The following ATG7 variants were observed in gnomAD, a reference collection of about 807,000 sequenced individuals.
The protein encoded by ATG7 is autophagy related 7.
A neutral mutation model predicts 82.4 loss-of-function variants in ATG7; 70 were observed. The ratio of observed to expected loss-of-function variants is 0.85; its 90% CI spans 0.70 to 1.04. ATG7 has a LOEUF of 1.04. Among genes scored for constraint, ATG7 ranks in the 50% least tolerant of loss-of-function variants. The pLI, the probability that ATG7 is intolerant of heterozygous loss-of-function variation, is 0.00. For synonymous variants in ATG7, 287 were observed against 313.0 expected (o/e 0.92, Z 0.88); for missense variants, 792 against 864.3 (o/e 0.92, Z 1.05).
At chr3:11,559,400 G>A (rs755052545), downstream of ATG7, 12 of 1,561,994 alleles carry the variant, frequency 7.7e-6, no homozygotes, top group African/African-American at 2.7e-5. Context: ...GGGGCAGTGC[G>A]AGAGGTTGCA....
intron 19 of ATG7, among the ~76,000 whole-genome samples, chr3:11,425,746 T>A (rs867323469): frequency 2.6e-4 from 39 of 152,278 alleles, no homozygotes; most frequent in Admixed American, 5.2e-4. Context: ...AAGTACACCT[T>A]ATGTAACCAA....
intron 7 of ATG7, among the ~76,000 whole-genome samples, chr3:11,311,175 G>A (rs1162116813): frequency 6.6e-6 from 1 of 152,078 alleles, no homozygotes; most frequent in African/African-American, 2.4e-5. Context: ...AAAATTGTAA[G>A]TATCTACTTT....
At chr3:11,336,885 C>A (rs1239077480) in intron 11 of ATG7, among the ~76,000 whole-genome samples, 2 of 151,056 alleles carry the variant, frequency 1.3e-5, no homozygotes, top group Admixed American at 6.6e-5. Context: ...GTTGCCCAGG[C>A]TGGTCTTGAA....
chr3:11,435,172 G>A (rs2083260953), intron 20 of ATG7, among the ~76,000 whole-genome samples: 1 of 151,826 alleles, frequency 6.6e-6, no homozygotes, highest in Non-Finnish European at 1.5e-5. Flanking sequence ...AATATTCTTT[G>A]GTATCTATTA....
intron 20 of ATG7, among the ~76,000 whole-genome samples, chr3:11,545,781 C>G (rs1163122901): frequency 6.6e-6 from 1 of 152,186 alleles, no homozygotes; most frequent in Non-Finnish European, 1.5e-5. Context: ...TTTTTCTCCT[C>G]TAGTCCCTGT....
intron 20 of ATG7, among the ~76,000 whole-genome samples, chr3:11,522,803 A>G (rs139797576): frequency 2.1e-3 from 320 of 152,312 alleles, no homozygotes; most frequent in African/African-American, 7.1e-3. Context: ...AGCTTGTGGT[A>G]CAGACTGTGA....
chr3:11,461,553 C>G (rs1171872522), intron 20 of ATG7, among the ~76,000 whole-genome samples: 22 of 152,116 alleles, frequency 1.4e-4, no homozygotes, highest in Non-Finnish European at 1.5e-5. Flanking sequence ...GTGAATTGAA[C>G]AGACTCAAAA....
At chr3:11,529,858 C>T (rs2092659900) in intron 20 of ATG7, 2 of 152,336 alleles carry the variant, frequency 1.3e-5, no homozygotes, top group South Asian at 4.1e-4. Flanking sequence ...TCGTCAGCCC[C>T]TCAGGTGTTG....
downstream of ATG7, among the ~76,000 whole-genome samples, chr3:11,561,520 T>G (rs2072999885): frequency 6.6e-6 from 1 of 152,138 alleles, no homozygotes; most frequent in African/African-American, 2.4e-5. Context: ...TGAGCCCTCG[T>G]GGGACTGGCT....
At chr3:11,352,015 C>T (rs2075592008) in intron 14 of ATG7, among the ~76,000 whole-genome samples, 1 of 146,734 alleles carries the variant, frequency 6.8e-6, no homozygotes. Flanking sequence ...CTCCACGCCA[C>T]GACAGGCACT....
At chr3:11,503,882 A>G (rs1174968501) in intron 20 of ATG7, among the ~76,000 whole-genome samples, 1 of 152,174 alleles carries the variant, frequency 6.6e-6, no homozygotes, top group Non-Finnish European at 1.5e-5. Flanking sequence ...CTAAGCAAAA[A>G]GACAAAGAAA....
At chr3:11,473,930 C>G (rs2153020335) in intron 20 of ATG7, among the ~76,000 whole-genome samples, 1 of 152,360 alleles carries the variant, frequency 6.6e-6, no homozygotes, top group South Asian at 2.1e-4. Flanking sequence ...AGGTCCCCTG[C>G]TTTGTAGATC....
At chr3:11,561,206 CG>C (rs1559854482), downstream of ATG7, among the ~76,000 whole-genome samples, 3 of 152,164 alleles carry the variant, frequency 2.0e-5, no homozygotes, top group African/African-American at 7.2e-5. Flanking sequence ...TCCTGACCCA[CG>C]CAAATGTGGG....
At chr3:11,549,679 T>C (rs572111160) in intron 20 of ATG7, among the ~76,000 whole-genome samples, 38 of 152,372 alleles carry the variant, frequency 2.5e-4, no homozygotes, top group Non-Finnish European at 5.3e-4. Context: ...GTACCTATTC[T>C]GAGTAAGACT....
intron 20 of ATG7, among the ~76,000 whole-genome samples, chr3:11,524,012 G>A (rs2092509888): frequency 6.6e-6 from 1 of 152,206 alleles, no homozygotes; most frequent in African/African-American, 2.4e-5. Context: ...GTGATTTAAA[G>A]TTGAGTTGAA....
chr3:11,319,638 C>G (rs1193538237), intron 9 of ATG7, among the ~76,000 whole-genome samples: 1 of 152,262 alleles, frequency 6.6e-6, no homozygotes, highest in Non-Finnish European at 1.5e-5. Flanking sequence ...TTGCCTCCTT[C>G]TGCACCTTAC....
At chr3:11,525,512 G>A (rs556786952) in intron 20 of ATG7, among the ~76,000 whole-genome samples, 1 of 116,364 alleles carries the variant, frequency 8.6e-6, no homozygotes, top group South Asian at 2.7e-4. Context: ...TTTGTTTGTT[G>A]ATTAACACCT....
intron 20 of ATG7, among the ~76,000 whole-genome samples, chr3:11,518,838 T>C (rs556908040): frequency 2.0e-5 from 3 of 152,368 alleles, no homozygotes; most frequent in East Asian, 3.9e-4. Context: ...TCTGAAAGTA[T>C]TGAATTCAAC....
intron 14 of ATG7, among the ~76,000 whole-genome samples, chr3:11,351,745 A>T (rs1262661572): frequency 6.6e-6 from 1 of 152,190 alleles, no homozygotes; most frequent in African/African-American, 2.4e-5. Context: ...CCATCAAAGT[A>T]CTGGTGTAAT....
Sources: gnomAD v4.1 joint callset for allele counts (sites outside exome capture counted in the v4.1 genomes callset) on GRCh38, gnomAD v4.1.1 for gene constraint, MANE v1.5 for transcripts, NCBI Gene and HGNC (gene_info 2026-07-23, HGNC 2026-07-21) for gene names.